ZNF83: variants seen among roughly 807,000 people sequenced by gnomAD.
ZNF83 encodes the protein zinc finger protein 816B.
For missense variants in ZNF83, 552 were observed against 629.9 expected, an observed-to-expected ratio of 0.88 and a Z score of 1.32; for synonymous variants, 209 against 213.0, an observed-to-expected ratio of 0.98 and a Z score of 0.17.
At chr19:52,671,441 T>G (rs1302745058) in intron 1 of ZNF83, among the ~76,000 whole-genome samples, 1 of 152,106 alleles carries the variant, frequency 6.6e-6, no homozygotes, top group East Asian at 1.9e-4. Flanking sequence ...TATCTTCAAG[T>G]TGTACTTTTT....
rs145603424 is a variant in ZNF83, at chr19:52,627,789, G to C, written c.-234+7277C>G. ...AGCCCCAAACCTAAAGTAAAAAAAT[G>C]AATATTGTCAGGCCTCTGAGCCCAA... On this transcript the variant is annotated intron_variant, in intron 2 of 2. Coordinates refer to ENST00000301096, the Ensembl canonical transcript of ZNF83. 2.8e-4 allele frequency among the ~76,000 whole-genome samples: 43 copies of C among 152,188 alleles called. No individual in the cohort carries two copies. The East Asian group carries it at 7.5e-3, about 27-fold the overall frequency.
At chr19:52,635,948 C>A (rs1329153894) in intron 1 of ZNF83, 1 of 149,758 alleles carries the variant, frequency 6.7e-6, no homozygotes, top group South Asian at 2.1e-4. Context: ...GCCGAAATCA[C>A]GCCACTGCAC....
intron 2 of ZNF83, among the ~76,000 whole-genome samples, chr19:52,621,371 T>C (rs2060536629): frequency 6.6e-6 from 1 of 152,210 alleles, no homozygotes; most frequent in East Asian, 1.9e-4. Flanking sequence ...CCTTTTCTGG[T>C]AGAGACAGAG....
intron 1 of ZNF83, among the ~76,000 whole-genome samples, chr19:52,684,493 G>A (rs1234299839): frequency 1.3e-5 from 2 of 150,876 alleles, no homozygotes; most frequent in Non-Finnish European, 2.9e-5. Flanking sequence ...AGATTGCAGT[G>A]AGCCAAGATC....
chr19:52,652,557 G>T, intron 3 of ZNF83: 1 of 437,660 alleles, frequency 2.3e-6, no homozygotes, highest in South Asian at 1.7e-5. Context: ...CATGACATTT[G>T]TAACGTTTCT....
At chr19:52,668,607 C>T (rs762733836) in intron 1 of ZNF83, among the ~76,000 whole-genome samples, 1 of 152,124 alleles carries the variant, frequency 6.6e-6, no homozygotes, top group Non-Finnish European at 1.5e-5. Flanking sequence ...ATGCCTCGTG[C>T]CAAATGACAA....
At chr19:52,643,533 T>G (rs971303335) in intron 3 of ZNF83, among the ~76,000 whole-genome samples, 1 of 151,512 alleles carries the variant, frequency 6.6e-6, no homozygotes, top group East Asian at 1.9e-4. Context: ...AACCCCATCT[T>G]TACTAAAAAT....
At chr19:52,683,491 A>G (rs2061961158) in intron 1 of ZNF83, among the ~76,000 whole-genome samples, 1 of 60,514 alleles carries the variant, frequency 1.7e-5, no homozygotes, top group Non-Finnish European at 3.3e-5. Context: ...CAGGTCCCTG[A>G]CCTTCTCCCC....
At chr19:52,656,328 C>T (rs2061504590) in intron 2 of ZNF83, among the ~76,000 whole-genome samples, 1 of 151,700 alleles carries the variant, frequency 6.6e-6, no homozygotes, top group Admixed American at 6.6e-5. Flanking sequence ...TTGAGACCAA[C>T]CTGGGCTACA....
At chr19:52,684,372 TAATAA>T (rs1055361194) in intron 1 of ZNF83, among the ~76,000 whole-genome samples, 23 of 151,108 alleles carry the variant, frequency 1.5e-4, no homozygotes, top group Middle Eastern at 3.4e-3. Flanking sequence ...AAATAAAATA[TAATAA>T]AATAAAAATA....
At chr19:52,644,792 AGG>A (rs879752563) in intron 3 of ZNF83, among the ~76,000 whole-genome samples, 377 of 152,092 alleles carry the variant, frequency 2.5e-3, no homozygotes, top group Non-Finnish European at 4.1e-3. Flanking sequence ...AGGCAGGTGG[AGG>A]TCTCAGGAGT....
chr19:52,660,564 T>C lies in ZNF83; in HGVS notation c.-201+198A>G, dbSNP rs545688984. On this transcript the variant is annotated intron_variant, in intron 2 of 5. Coordinates refer to the ZNF83 transcript ENST00000594682. ...CCCTGGGAGGTGGAGGTTACAGTGA[T>C]CCCAGATTGCTCCAGTGAACTCCAG... Among the ~76,000 whole-genome samples, 6 of 152,080 alleles carry C rather than the reference T, an allele frequency of 3.9e-5. No individual in the cohort carries two copies. The South Asian group carries it at 1.2e-3, about 32-fold the overall frequency.
At chr19:52,636,480 C>T (rs929501155) in intron 1 of ZNF83, 4 of 152,100 alleles carry the variant, frequency 2.6e-5, no homozygotes, top group Non-Finnish European at 4.4e-5. Flanking sequence ...TGGAAGCTAA[C>T]CTCTGAGGCC....
At chr19:52,659,330 C>A (rs118160601) in intron 2 of ZNF83, among the ~76,000 whole-genome samples, 2,956 of 152,120 alleles carry the variant, frequency 0.019, 39 homozygotes, top group Middle Eastern at 0.068. Flanking sequence ...ATCAGTAAGT[C>A]ATTGGTGCCC....
upstream of ZNF83, among the ~76,000 whole-genome samples, chr19:52,640,732 G>T (rs1043995378): frequency 7.2e-5 from 11 of 152,082 alleles, no homozygotes; most frequent in Non-Finnish European, 1.3e-4. Context: ...GGGGGAGTTC[G>T]CCCCGACTGC....
At chr19:52,647,734 C>G (rs1358680839) in intron 3 of ZNF83, among the ~76,000 whole-genome samples, 2 of 151,700 alleles carry the variant, frequency 1.3e-5, no homozygotes, top group Non-Finnish European at 2.9e-5. Flanking sequence ...CTTCTTACCT[C>G]TATTCCTTCT....
chr19:52,674,577 G>T (rs1318883745), intron 1 of ZNF83, among the ~76,000 whole-genome samples: 1 of 152,132 alleles, frequency 6.6e-6, no homozygotes, highest in African/African-American at 2.4e-5. Flanking sequence ...CAGTGGATTT[G>T]CAGAGTACAA....
intron 1 of ZNF83, among the ~76,000 whole-genome samples, chr19:52,682,112 CT>C (rs1248314097): frequency 6.6e-6 from 1 of 152,060 alleles, no homozygotes; most frequent in Non-Finnish European, 1.5e-5. Context: ...TCCCAAAGTG[CT>C]GGGATTACGG....
chr19:52,649,271 A>G (rs1341280880), intron 3 of ZNF83, among the ~76,000 whole-genome samples: 1 of 152,090 alleles, frequency 6.6e-6, no homozygotes, highest in Non-Finnish European at 1.5e-5. Flanking sequence ...GGAAGTCCCA[A>G]CTTCTCCAAG....
Sources: allele counts gnomAD v4.1 joint callset (sites outside exome capture counted in the v4.1 genomes callset), GRCh38; gene constraint gnomAD v4.1.1; transcripts MANE v1.5; gene names NCBI Gene and HGNC (gene_info 2026-07-23, HGNC 2026-07-21).